The following IFNAR1 variants were observed in gnomAD, a reference collection of about 807,000 sequenced individuals.
IFNAR1 encodes the protein interferon alpha and beta receptor subunit 1.
A neutral mutation model predicts 62.1 loss-of-function variants in IFNAR1; 47 were observed. The observed-to-expected ratio is 0.76, with a 90% CI of 0.60 to 0.97. The LOEUF is 0.97. Ranked by LOEUF, IFNAR1 falls within the 50% of genes least tolerant of loss-of-function variation. The probability of loss-of-function intolerance (pLI) is 0.00; values close to 1 mark genes in which losing one functional copy is unlikely to be tolerated. For missense variants in IFNAR1, 638 were observed against 654.5 expected (o/e 0.97, Z 0.27); for synonymous variants, 219 against 226.9 (o/e 0.97, Z 0.31).
intron 8 of IFNAR1, among the ~76,000 whole-genome samples, chr21:33,351,204 T>G (rs1215099302): frequency 6.6e-6 from 1 of 152,240 alleles, no homozygotes; most frequent in African/African-American, 2.4e-5. Context: ...ATTGGTTACA[T>G]TGCTGTTTGG....
At chr21:33,328,530 A>T (rs1056120442) in intron 1 of IFNAR1, among the ~76,000 whole-genome samples, 37 of 152,318 alleles carry the variant, frequency 2.4e-4, no homozygotes, top group African/African-American at 8.7e-4. Context: ...AAAAAAAATC[A>T]TGTTGAAAAC....
chr21:33,356,981 AATC>A lies in IFNAR1; in HGVS notation c.*1435_*1437del, dbSNP rs2083454397. The A allele has an allele frequency of 6.6e-6, 1 of 152,194 alleles. No individual in the cohort carries two copies. The highest frequency in any genetic ancestry group is 1.5e-5 in the Non-Finnish European group (1 of 68,036). The allele number at this position is 152,194 out of a possible 1,614,324, so 9.4% of individuals were successfully genotyped here. On this transcript the variant is annotated 3_prime_UTR_variant, in exon 11 of 11. Coordinates refer to ENST00000270139, the MANE Select transcript of IFNAR1 (RefSeq NM_000629.3). ...TCAGCCTGCTTGGCGTTAAAATACA[AATC>A]ATTGAACTGAGGGGGAAAAATGTAA... is the stretch of plus-strand genomic sequence containing the variant.
intron 2 of IFNAR1, among the ~76,000 whole-genome samples, chr21:33,340,406 C>T (rs1290535310): frequency 6.6e-6 from 1 of 152,072 alleles, no homozygotes; most frequent in African/African-American, 2.4e-5. Flanking sequence ...GGCTGGAGTG[C>T]AGTGATATGA....
At position 33,343,289 on chromosome 21, in the gene IFNAR1, T is replaced by C; in HGVS notation, c.398T>C (p.Val133Ala). ...FRKAQIGPPE[V>A]HLEAEDKAIV... ...GCAGCTCAGATTGGTCCTCCAGAAG[T>C]ACATTTAGAAGCTGAAGATAAGGCA... Residue 133 changes from valine to alanine, a missense_variant, in exon 4 of 11, where the codon GTA becomes GCA. Coordinates refer to ENST00000270139, the MANE Select transcript of IFNAR1 (RefSeq NM_000629.3). The C allele has an allele frequency of 2.5e-6, 4 of 1,613,118 alleles. No individual in the cohort carries two copies. The highest frequency in any genetic ancestry group is 3.4e-6 in the Non-Finnish European group (4 of 1,179,546).
chr21:33,341,075 A>T lies in IFNAR1; in HGVS notation c.277A>T (p.Lys93Ter), dbSNP rs538954903. Residue 93 changes from lysine to a stop codon, truncating the protein, a stop_gained, in exon 3 of 11, where the codon AAG becomes TAG. Coordinates refer to ENST00000270139, the MANE Select transcript of IFNAR1 (RefSeq NM_000629.3). LOFTEE classifies it high-confidence loss of function. The part of the protein sequence containing the change: ...TSTKCNFSSL[K>*]LNVYEEIKLR... ...TACCAAATGCAACTTTTCTTCACTC[A>T]AGCTGAATGTTTATGAAGAAATTAA... 6.2e-7 allele frequency: 1 copy of T among 1,612,874 alleles called. No homozygotes were observed. Among genetic ancestry groups the T allele is most frequent in the East Asian group, 2.2e-5 (1 of 44,784 alleles).
chr21:33,352,843 C>T lies in IFNAR1; in HGVS notation c.1229C>T (p.Thr410Ile). ...TVYCVKARAH[T>I]MDEKLNKSSV... ...TATTGTGTGAAAGCCAGAGCACACA[C>T]CATGGATGAAAAGCTGAATAAAAGC... The change falls in exon 9 of 11, where the codon ACC (threonine) becomes ATC (isoleucine). Residue 410 changes from threonine to isoleucine, a missense_variant. Thr to Ile is a moderately conservative substitution (Grantham distance 89, BLOSUM62 -1). Coordinates refer to ENST00000270139, the MANE Select transcript of IFNAR1 (RefSeq NM_000629.3). 1.2e-6 allele frequency: 2 copies of T among 1,605,362 alleles called. No homozygotes were observed. The highest frequency in any genetic ancestry group is 1.7e-6 in the Non-Finnish European group (2 of 1,173,776).
chr21:33,357,185 C>T lies in IFNAR1; in HGVS notation c.*1636C>T, dbSNP rs1024817701. On this transcript the variant is annotated 3_prime_UTR_variant, in exon 11 of 11. Coordinates refer to ENST00000270139, the MANE Select transcript of IFNAR1 (RefSeq NM_000629.3). ...CTCACAGCACCGTTCCGACAGGGAC[C>T]AGTGAAAGAAAAGAGACAAAGTTAG... 6 of 152,150 alleles carry T rather than the reference C, an allele frequency of 3.9e-5. No individual in the cohort carries two copies. Among genetic ancestry groups the T allele is most frequent in the Non-Finnish European group, 8.8e-5 (6 of 68,056 alleles). 9.4% of individuals were successfully genotyped at this position (152,150 alleles called of 1,614,324 possible). A position where few individuals can be genotyped will look rare whatever the true frequency, so the allele number is the denominator to read the frequency against.
chr21:33,348,173 C>T (rs1467753093), intron 6 of IFNAR1, among the ~76,000 whole-genome samples: 2 of 152,202 alleles, frequency 1.3e-5, no homozygotes, highest in African/African-American at 4.8e-5. Context: ...TCTTATAACC[C>T]CGCAGTGTGT....
chr21:33,328,360 G>A lies in IFNAR1; in HGVS notation c.76+3229G>A, dbSNP rs562893872. 3.3e-5 allele frequency among the ~76,000 whole-genome samples: 5 copies of A among 152,276 alleles called. No homozygotes were observed. In the South Asian group the frequency reaches 8.3e-4, roughly 25 times the overall value. ...TTTTTCTGAATTCCAGAAGAGAGGA[G>A]GGTATAATGAGGCATATCCAAACCT... On this transcript the variant is annotated intron_variant, in intron 1 of 10. Coordinates refer to ENST00000270139, the MANE Select transcript of IFNAR1 (RefSeq NM_000629.3).
chr21:33,351,985 C>T (rs1157498226), intron 8 of IFNAR1, among the ~76,000 whole-genome samples: 3 of 151,876 alleles, frequency 2.0e-5, no homozygotes, highest in Admixed American at 6.6e-5. Flanking sequence ...TGTGACCCAC[C>T]GGCTTGTTAG....
At chr21:33,352,725 A>T in intron 8 of IFNAR1, 33 bp from the exon 9 acceptor site, 3 of 1,287,522 alleles carry the variant, frequency 2.3e-6, no homozygotes, top group Non-Finnish European at 3.3e-6. Context: ...TGAGGTGACT[A>T]AATTTTATCA....
At chr21:33,326,001 A>G (rs2083123162) in intron 1 of IFNAR1, among the ~76,000 whole-genome samples, 1 of 152,142 alleles carries the variant, frequency 6.6e-6, no homozygotes, top group Non-Finnish European at 1.5e-5. Flanking sequence ...GGGGCTTAGA[A>G]TTTTATTTTT....
chr21:33,344,845 T>C (rs2083330390), intron 5 of IFNAR1, among the ~76,000 whole-genome samples: 4 of 152,166 alleles, frequency 2.6e-5, no homozygotes, highest in African/African-American at 7.2e-5. Context: ...TGGAGTGCAG[T>C]GGCTCAATCT....
At chr21:33,350,209 G>C (rs990483166) in intron 8 of IFNAR1, among the ~76,000 whole-genome samples, 1 of 150,014 alleles carries the variant, frequency 6.7e-6, no homozygotes, top group Non-Finnish European at 1.5e-5. Flanking sequence ...TGCAGTGCAG[G>C]ATGCTTGGCA....
At chr21:33,341,677 T>A (rs79130850) in intron 3 of IFNAR1, among the ~76,000 whole-genome samples, 3 of 152,324 alleles carry the variant, frequency 2.0e-5, no homozygotes, top group Admixed American at 6.5e-5. Flanking sequence ...TTTATCATTG[T>A]TATTTCTTTC....
chr21:33,347,932 C>A (rs2123258513), intron 6 of IFNAR1, among the ~76,000 whole-genome samples: 1 of 152,238 alleles, frequency 6.6e-6, no homozygotes, highest in South Asian at 2.1e-4. Context: ...CTCAGGCTGT[C>A]CTGTAGGCTT....
chr21:33,349,174 G>A lies in IFNAR1; in HGVS notation c.872G>A (p.Cys291Tyr). The change falls in exon 7 of 11, where the codon TGT becomes TAT. Residue 291 changes from cysteine (C) to tyrosine (Y), a missense_variant. Coordinates refer to ENST00000270139, the MANE Select transcript of IFNAR1 (RefSeq NM_000629.3). ...TGTGAAAATGTCAAAACTACCCAGT[G>A]TGTCTTTCCTCAAAACGTTTTCCAA... ...PDCENVKTTQ[C>Y]VFPQNVFQKG... 1 of 1,612,850 alleles carries A rather than the reference G, an allele frequency of 6.2e-7. No individual in the cohort carries two copies. The highest frequency in any genetic ancestry group is 8.5e-7 in the Non-Finnish European group (1 of 1,178,950).
chr21:33,334,723 A>G (rs955838243), intron 1 of IFNAR1: 56 of 811,570 alleles, frequency 6.9e-5, no homozygotes, highest in South Asian at 5.5e-4. Context: ...CCCAGTGTCA[A>G]GTGATGCGCA....
intron 8 of IFNAR1, 47 bp downstream of exon 8, chr21:33,349,590 T>C: frequency 7.4e-7 from 1 of 1,357,640 alleles, no homozygotes; most frequent in Non-Finnish European, 1.0e-6. Context: ...GTTATAATTA[T>C]GATTTGGGTA....
Sources: allele counts gnomAD v4.1 joint callset (sites outside exome capture counted in the v4.1 genomes callset), GRCh38; gene constraint gnomAD v4.1.1; transcripts MANE v1.5; gene names NCBI Gene and HGNC (gene_info 2026-07-23, HGNC 2026-07-21).